PRKD1: variants seen among roughly 807,000 people sequenced by gnomAD.
PRKD1 encodes serine/threonine-protein kinase D1.
PRKD1 carries 63 observed loss-of-function variants against 95.9 expected under a neutral mutation model. That is an observed-to-expected ratio of 0.66 (90% CI 0.54 to 0.81). PRKD1 has a LOEUF of 0.81. Among genes scored for constraint, PRKD1 ranks in the 30% least tolerant of loss-of-function variants. The pLI is 0.00. For synonymous variants in PRKD1, 425 were observed against 423.1 expected (o/e 1.00, Z -0.05); for missense variants, 1,048 against 1,165.3 (o/e 0.90, Z 1.47).
chr14:29,848,721 AAATT>A (rs1470774365), intron 1 of PRKD1, among the ~76,000 whole-genome samples: 2 of 151,924 alleles, frequency 1.3e-5, no homozygotes, highest in Non-Finnish European at 2.9e-5. Context: ...ATCCAAACAA[AAATT>A]AATTAACAGA....
At chr14:29,644,070 T>C (rs547065656) in intron 4 of PRKD1, among the ~76,000 whole-genome samples, 77 of 152,318 alleles carry the variant, frequency 5.1e-4, no homozygotes, top group African/African-American at 1.8e-3. Flanking sequence ...TCACCTGAGA[T>C]AAGTGTATGT....
chr14:29,757,548 A>G (rs1887763789), intron 1 of PRKD1, among the ~76,000 whole-genome samples: 1 of 152,134 alleles, frequency 6.6e-6, no homozygotes, highest in South Asian at 2.1e-4. Flanking sequence ...AAATGGCAGG[A>G]GAGGTGGCTG....
At chr14:29,652,231 C>A (rs1446367558) in intron 4 of PRKD1, among the ~76,000 whole-genome samples, 1 of 152,134 alleles carries the variant, frequency 6.6e-6, no homozygotes, top group South Asian at 2.1e-4. Context: ...GTGGAGGTCA[C>A]GGTACCTTGC....
intron 1 of PRKD1, among the ~76,000 whole-genome samples, chr14:29,821,552 C>G (rs1890910683): frequency 6.6e-6 from 1 of 152,108 alleles, no homozygotes; most frequent in Non-Finnish European, 1.5e-5. Context: ...TTCACTCTCT[C>G]CTTACACACT....
intron 1 of PRKD1, among the ~76,000 whole-genome samples, chr14:29,822,184 A>T (rs992196432): frequency 6.6e-6 from 1 of 152,204 alleles, no homozygotes. Context: ...CATTTGAATA[A>T]ATAATGCTCA....
At chr14:29,865,665 C>T (rs1330788284) in intron 1 of PRKD1, among the ~76,000 whole-genome samples, 2 of 152,158 alleles carry the variant, frequency 1.3e-5, no homozygotes, top group Non-Finnish European at 2.9e-5. Context: ...TCTCCAGAAC[C>T]AGAAGACAAA....
chr14:29,825,611 G>A (rs1435230583), intron 1 of PRKD1, among the ~76,000 whole-genome samples: 1 of 152,114 alleles, frequency 6.6e-6, no homozygotes, highest in African/African-American at 2.4e-5. Flanking sequence ...TTAAAAAAAT[G>A]TAAAGAGGAT....
At chr14:29,824,672 C>T (rs4294717) in intron 1 of PRKD1, among the ~76,000 whole-genome samples, 112,110 of 152,054 alleles carry the variant, frequency 0.74, 41,425 homozygotes, top group Middle Eastern at 0.77. Flanking sequence ...TATATTCATA[C>T]GCAGGAAATT....
At chr14:29,908,271 A>G (rs1274930836) in intron 1 of PRKD1, among the ~76,000 whole-genome samples, 2 of 152,224 alleles carry the variant, frequency 1.3e-5, no homozygotes, top group Non-Finnish European at 2.9e-5. Flanking sequence ...GATAATATCA[A>G]AATAAGTTCA....
chr14:29,593,819 C>A (rs1056993190), intron 16 of PRKD1, among the ~76,000 whole-genome samples: 5 of 152,264 alleles, frequency 3.3e-5, no homozygotes, highest in African/African-American at 1.2e-4. Context: ...CCTGTTAATT[C>A]ATTGATAAAG....
intron 1 of PRKD1, among the ~76,000 whole-genome samples, chr14:29,835,304 A>G (rs899826647): frequency 6.6e-6 from 1 of 152,114 alleles, no homozygotes; most frequent in African/African-American, 2.4e-5. Flanking sequence ...TCCTTCTTTT[A>G]TTGGCTTGAA....
At chr14:29,875,715 A>G (rs1016708774) in intron 1 of PRKD1, among the ~76,000 whole-genome samples, 1 of 152,214 alleles carries the variant, frequency 6.6e-6, no homozygotes, top group South Asian at 2.1e-4. Context: ...ATGGTATCAT[A>G]AGGAGATGTA....
intron 1 of PRKD1, among the ~76,000 whole-genome samples, chr14:29,877,841 C>G (rs1451587028): frequency 6.6e-6 from 1 of 152,168 alleles, no homozygotes; most frequent in South Asian, 2.1e-4. Flanking sequence ...CATAAAGACA[C>G]ATGCAAGTGA....
chr14:29,786,755 A>C (rs1889292343), intron 1 of PRKD1, among the ~76,000 whole-genome samples: 1 of 151,402 alleles, frequency 6.6e-6, no homozygotes, highest in East Asian at 1.9e-4. Context: ...GTAACTAGTG[A>C]TTTATTGATC....
chr14:29,785,577 C>T (rs536800422), intron 1 of PRKD1, among the ~76,000 whole-genome samples: 116 of 150,194 alleles, frequency 7.7e-4, no homozygotes, highest in African/African-American at 2.7e-3. Context: ...CTGATTGTTC[C>T]GAATAAGACT....
At chr14:29,909,580 C>T (rs1455213794) in intron 1 of PRKD1, among the ~76,000 whole-genome samples, 7 of 152,044 alleles carry the variant, frequency 4.6e-5, no homozygotes, top group Admixed American at 1.3e-4. Flanking sequence ...CACCATTCAG[C>T]ACTCTGTATC....
intron 1 of PRKD1, among the ~76,000 whole-genome samples, chr14:29,848,097 A>G (rs1371845685): frequency 6.6e-6 from 1 of 152,136 alleles, no homozygotes; most frequent in Non-Finnish European, 1.5e-5. Flanking sequence ...CACAGTAACA[A>G]CTACTCATTT....
At chr14:29,834,023 TC>T (rs1891517133) in intron 1 of PRKD1, among the ~76,000 whole-genome samples, 1 of 152,118 alleles carries the variant, frequency 6.6e-6, no homozygotes, top group South Asian at 2.1e-4. Flanking sequence ...CTGATGGAGA[TC>T]CCCTCCACAG....
At chr14:29,789,373 A>G (rs533192173) in intron 1 of PRKD1, among the ~76,000 whole-genome samples, 1 of 152,108 alleles carries the variant, frequency 6.6e-6, no homozygotes, top group Admixed American at 6.5e-5. Flanking sequence ...ACTTCTTCCA[A>G]TTTTATGGAT....
Sources: gnomAD v4.1 joint callset for allele counts (sites outside exome capture counted in the v4.1 genomes callset) on GRCh38, gnomAD v4.1.1 for gene constraint, MANE v1.5 for transcripts, NCBI Gene and HGNC (gene_info 2026-07-23, HGNC 2026-07-21) for gene names.